TMEM236: variants seen among roughly 807,000 people sequenced by gnomAD.
TMEM236 encodes family with sequence similarity 23, member A.
TMEM236 carries 11 observed loss-of-function variants against 14.7 expected under a neutral mutation model. The observed-to-expected ratio is 0.75, with a 90% CI of 0.47 to 1.24. TMEM236 has a LOEUF of 1.24. Ranked by LOEUF, TMEM236 falls within the 50% of genes most tolerant of loss-of-function variation. The pLI is 0.00. For missense variants in TMEM236, 464 were observed against 427.3 expected (o/e 1.09, Z -0.76); for synonymous variants, 182 against 168.6 (o/e 1.08, Z -0.62).
At chr10:17,794,516 AT>A (rs1837977598) in intron 3 of TMEM236, among the ~76,000 whole-genome samples, 1 of 18,542 alleles carries the variant, frequency 5.4e-5, no homozygotes, top group African/African-American at 5.5e-4. Flanking sequence ...ACACCCATGT[AT>A]TATACATGGA....
At chr10:17,785,880 G>A (rs1169473740) in intron 3 of TMEM236, among the ~76,000 whole-genome samples, 1 of 152,092 alleles carries the variant, frequency 6.6e-6, no homozygotes, top group Admixed American at 6.6e-5. Context: ...GGTAAGAGAA[G>A]GGTAGGATTT....
At chr10:17,772,744 A>G (rs1837593701) in intron 2 of TMEM236, among the ~76,000 whole-genome samples, 1 of 152,208 alleles carries the variant, frequency 6.6e-6, no homozygotes, top group African/African-American at 2.4e-5. Context: ...GGCCGGCTCC[A>G]TGCCCACACT....
chr10:17,764,967 G>A (rs1264003890), intron 1 of TMEM236, among the ~76,000 whole-genome samples: 3 of 151,512 alleles, frequency 2.0e-5, no homozygotes, highest in Non-Finnish European at 4.4e-5. Flanking sequence ...GACTACAGGC[G>A]CGCACTACCA....
chr10:17,759,816 T>C (rs1401269349), intron 1 of TMEM236, among the ~76,000 whole-genome samples: 1 of 151,432 alleles, frequency 6.6e-6, no homozygotes, highest in African/African-American at 2.4e-5. Context: ...CCGTCTCTAC[T>C]AAAAATACAG....
chr10:17,771,836 G>T (rs1016442248), intron 2 of TMEM236, among the ~76,000 whole-genome samples: 3 of 152,128 alleles, frequency 2.0e-5, no homozygotes, highest in African/African-American at 7.2e-5. Flanking sequence ...TTTATGTTTT[G>T]ACTAAATATA....
In TMEM236 at chr10:17,798,575, C is replaced by T. The variant is rs1459873834; in HGVS notation, c.*2071C>T. 43 of 534,398 alleles carry T rather than the reference C, an allele frequency of 8.0e-5. 1 individual carries two copies. The highest frequency in any genetic ancestry group is 5.3e-4 in the South Asian group (38 of 71,566). The allele number at this position is 534,398 out of a possible 1,614,324, so 33.1% of individuals were successfully genotyped here. A position where few individuals can be genotyped will look rare whatever the true frequency, so the allele number is the denominator to read the frequency against. On this transcript the variant is annotated 3_prime_UTR_variant, in exon 4 of 4. Transcript: ENST00000377495. Reference sequence around the variant, plus strand: ...GAGAATTTGACGTTGTGTTATTCTACGCTCCACCAAATACCTCTCCCCTTG... The same window carrying T: ...GAGAATTTGACGTTGTGTTATTCTATGCTCCACCAAATACCTCTCCCCTTG...
In TMEM236 at chr10:17,800,293, G is replaced by A. The variant is rs1197438026; in HGVS notation, c.*3789G>A. On this transcript the variant is annotated 3_prime_UTR_variant, in exon 4 of 4. Transcript: ENST00000377495. ...AATGTGCATTTAAAAATTAATCTAT[G>A]ATTAGGCTATTAATATATAGTCTAA... 6.6e-6 allele frequency: 1 copy of A among 150,518 alleles called. No individual in the cohort carries two copies. Among genetic ancestry groups the A allele is most frequent in the Non-Finnish European group, 1.5e-5 (1 of 67,770 alleles). The allele number at this position is 150,518 out of a possible 1,614,324, so 9.3% of individuals were successfully genotyped here.
chr10:17,762,660 T>C (rs2131743288), intron 1 of TMEM236, among the ~76,000 whole-genome samples: 1 of 144,206 alleles, frequency 6.9e-6, no homozygotes, highest in South Asian at 2.2e-4. Flanking sequence ...TTATTATATA[T>C]AAATATATAT....
chr10:17,768,897 A>T (rs951571657), intron 1 of TMEM236, among the ~76,000 whole-genome samples: 55 of 152,264 alleles, frequency 3.6e-4, no homozygotes, highest in African/African-American at 1.3e-3. Flanking sequence ...AGATTTTTTT[A>T]AATTGTGATA....
chr10:17,752,597 C>T (rs994170564), intron 1 of TMEM236, 45 bp downstream of exon 1: 9 of 1,589,142 alleles, frequency 5.7e-6, no homozygotes, highest in South Asian at 3.3e-5. Flanking sequence ...TTTGGAGTCT[C>T]GCTCTGTCAC....
chr10:17,790,516 A>G (rs1404854630), intron 3 of TMEM236, among the ~76,000 whole-genome samples: 1 of 152,182 alleles, frequency 6.6e-6, no homozygotes, highest in Non-Finnish European at 1.5e-5. Context: ...TGATTGTGGC[A>G]ACAGAGTGAG....
At position 17,783,425 on chromosome 10, in the gene TMEM236, C is replaced by T. The variant is rs1257450720; in HGVS notation, c.472+7255C>T. On this transcript the variant is annotated intron_variant, in intron 3 of 3. Transcript: ENST00000377495. Reference sequence around the variant, plus strand: ...AAACCTCAGCTCCCTGCAAAGGAGGCGGTTTCCACTATCACATCAGCGAGA... The same window carrying T: ...AAACCTCAGCTCCCTGCAAAGGAGGTGGTTTCCACTATCACATCAGCGAGA... 3.3e-5 allele frequency among the ~76,000 whole-genome samples: 5 copies of T among 152,220 alleles called. No homozygotes were observed. In the South Asian group the frequency reaches 6.2e-4, roughly 19 times the overall value.
chr10:17,791,038 G>C (rs1837916365), intron 3 of TMEM236, among the ~76,000 whole-genome samples: 2 of 152,204 alleles, frequency 1.3e-5, no homozygotes, highest in Admixed American at 1.3e-4. Flanking sequence ...GCCACAGACA[G>C]TGTGGTACAA....
At chr10:17,779,196 C>T (rs1245222233) in intron 3 of TMEM236, among the ~76,000 whole-genome samples, 1 of 152,112 alleles carries the variant, frequency 6.6e-6, no homozygotes, top group Non-Finnish European at 1.5e-5. Context: ...GCATTGCAAC[C>T]ATACCTGTTT....
chr10:17,798,826 C>A lies in TMEM236; in HGVS notation c.*2322C>A, dbSNP rs1056026733. 16 of 394,264 alleles carry A rather than the reference C, an allele frequency of 4.1e-5. No homozygotes were observed. The highest frequency in any genetic ancestry group is 6.6e-5 in the Non-Finnish European group (13 of 195,618). 24.4% of individuals were successfully genotyped at this position (394,264 alleles called of 1,614,324 possible). A position where few individuals can be genotyped will look rare whatever the true frequency, so the allele number is the denominator to read the frequency against. ...AGAGTCCTTTGAGCACATTTTCTGG[C>A]AAACCATAATAACTTGATAAATGCT... is the stretch of plus-strand genomic sequence containing the variant. On this transcript the variant is annotated 3_prime_UTR_variant, in exon 4 of 4. Coordinates refer to ENST00000377495, the MANE Select transcript of TMEM236 (RefSeq NM_001098844.3).
chr10:17,759,982 CAAAAAAAAAAAAAA>C (rs35596189), intron 1 of TMEM236, among the ~76,000 whole-genome samples: 6 of 54,702 alleles, frequency 1.1e-4, no homozygotes, highest in African/African-American at 1.5e-4. Context: ...GACTCCGTCT[CAAAAAAAAAAAAAA>C]AAAAAAAAAA....
At chr10:17,771,063 T>C (rs1350184181) in intron 1 of TMEM236, among the ~76,000 whole-genome samples, 1 of 152,220 alleles carries the variant, frequency 6.6e-6, no homozygotes, top group Non-Finnish European at 1.5e-5. Flanking sequence ...ATTTGATGCT[T>C]TTAATAGTTT....
rs1419084222 is a variant in TMEM236 at position 17,752,447 on chromosome 10, TCTC to T, written c.155_157del (p.Ser52del). 12 of 1,613,888 alleles carry T rather than the reference TCTC, an allele frequency of 7.4e-6. No individual in the cohort carries two copies. The highest frequency in any genetic ancestry group is 1.0e-5 in the Non-Finnish European group (12 of 1,179,872). On this transcript the variant is annotated inframe_deletion, in exon 1 of 4. Coordinates refer to ENST00000377495, the MANE Select transcript of TMEM236 (RefSeq NM_001098844.3). ...GACAACACACACTACTGGCTGATCA[TCTC>T]CTGTTCTATTGCCTATGTTGCGTTA...
In TMEM236 at chr10:17,752,571, T is replaced by A. The variant is rs1837225081; in HGVS notation, c.257+19T>A. ...AAGGATGGTAAGTAAAAGAATTTTCTTTTTTTTCTTTTTGATTTGGAGTCT... is the reference window on the plus strand; with the variant it reads ...AAGGATGGTAAGTAAAAGAATTTTCATTTTTTTCTTTTTGATTTGGAGTCT... On this transcript the variant is annotated intron_variant, in intron 1 of 3. Transcript: ENST00000377495. 1 of 1,610,152 alleles carries A rather than the reference T, an allele frequency of 6.2e-7. No individual in the cohort carries two copies. The highest frequency in any genetic ancestry group is 1.1e-5 in the South Asian group (1 of 90,844).
Sources: gnomAD v4.1 joint callset for allele counts (sites outside exome capture counted in the v4.1 genomes callset) on GRCh38, gnomAD v4.1.1 for gene constraint, MANE v1.5 for transcripts, NCBI Gene and HGNC (gene_info 2026-07-23, HGNC 2026-07-21) for gene names.